The following BAG3 variants were observed in gnomAD, a reference collection of about 807,000 sequenced individuals.
BAG3 encodes the protein BAG cochaperone 3, also known as BAG family molecular chaperone regulator 3.
In BAG3, 14 loss-of-function variants were observed where a neutral mutation model predicts 40.5. That is an observed-to-expected ratio of 0.35 (90% CI 0.23 to 0.54). The LOEUF is 0.54. Ranked by LOEUF, BAG3 falls within the 20% of genes least tolerant of loss-of-function variation. The probability of loss-of-function intolerance (pLI) is 0.91; values close to 1 mark genes in which losing one functional copy is unlikely to be tolerated. For synonymous variants in BAG3, 302 were observed against 307.8 expected (o/e 0.98, Z 0.20); for missense variants, 788 against 758.6 (o/e 1.04, Z -0.46).
Position 119,662,780 on chromosome 10 carries a change from C to T in BAG3, c.181-7071C>T, listed in dbSNP as rs1040919873. ...CTGTAATCTCAGCACTTTGGGAGGCCGAGATGGGCAGATCACGAGGTCAGG... is the reference window on the plus strand; with the variant it reads ...CTGTAATCTCAGCACTTTGGGAGGCTGAGATGGGCAGATCACGAGGTCAGG... On this transcript the variant is annotated intron_variant, in intron 1 of 3. Coordinates refer to ENST00000369085, the MANE Select transcript of BAG3 (RefSeq NM_004281.4). Among the ~76,000 whole-genome samples, 10 of 152,090 alleles carry T rather than the reference C, an allele frequency of 6.6e-5. 1 individual carries two copies. In the South Asian group the frequency reaches 1.0e-3, roughly 16 times the overall value.
chr10:119,677,443 AT>A lies in BAG3; in HGVS notation c.*162del. Reference sequence around the variant, plus strand: ...ACTAATAAAAGGGCTAAAAAGGAAAATGATGCTTTTCTTCTATATTCTTACT... The same window carrying A: ...ACTAATAAAAGGGCTAAAAAGGAAAAGATGCTTTTCTTCTATATTCTTACT... On this transcript the variant is annotated 3_prime_UTR_variant, in exon 4 of 4. Coordinates refer to ENST00000369085, the MANE Select transcript of BAG3 (RefSeq NM_004281.4). The A allele has an allele frequency of 1.2e-6, 1 of 848,676 alleles. No homozygotes were observed. The highest frequency in any genetic ancestry group is 2.1e-5 in the Admixed American group (1 of 47,834). The allele number at this position is 848,676 out of a possible 1,614,324, so 52.6% of individuals were successfully genotyped here. A position where few individuals can be genotyped will look rare whatever the true frequency, so the allele number is the denominator to read the frequency against.
rs760856949 is a variant in BAG3, at chr10:119,669,894, G to T, written c.224G>T (p.Arg75Met). The T allele has an allele frequency of 1.2e-6, 2 of 1,614,190 alleles. No homozygotes were observed. Among genetic ancestry groups the T allele is most frequent in the Non-Finnish European group, 1.7e-6 (2 of 1,180,042 alleles). ...SANGPSREGS[R>M]LPPAREGHPV... Reference sequence around the variant, plus strand: ...AATGGCCCTTCCCGGGAGGGCTCTAGGCTGCCGCCTGCTAGGGAAGGCCAC... The same window carrying T: ...AATGGCCCTTCCCGGGAGGGCTCTATGCTGCCGCCTGCTAGGGAAGGCCAC... The change falls in exon 2 of 4, where the codon AGG (arginine) becomes ATG (methionine). Residue 75 changes from arginine to methionine, a missense_variant. Transcript: ENST00000369085.
chr10:119,663,256 G>A (rs1847016673), intron 1 of BAG3, among the ~76,000 whole-genome samples: 1 of 152,144 alleles, frequency 6.6e-6, no homozygotes, highest in Admixed American at 6.5e-5. Context: ...CACAGGGTTG[G>A]GGGTTAGAGG....
chr10:119,653,782 A>G (rs1846874310), intron 1 of BAG3, among the ~76,000 whole-genome samples: 1 of 152,216 alleles, frequency 6.6e-6, no homozygotes, highest in African/African-American at 2.4e-5. Flanking sequence ...AGCTAGTACC[A>G]ACAACAGGGA....
At position 119,673,118 on chromosome 10, in the gene BAG3, C is replaced by A. The variant is rs546780487; in HGVS notation, c.909+462C>A. Among the ~76,000 whole-genome samples the A allele has an allele frequency of 3.3e-4, 50 of 152,246 alleles. No homozygotes were observed. The South Asian group carries it at 0.01, about 32-fold the overall frequency. The stretch of plus-strand genomic sequence containing the variant: ...TGCCTTTGCCCATGCTGAACCCGCT[C>A]CCTGAAATGCCCGCACAGTATAGGT... On this transcript the variant is annotated intron_variant, in intron 3 of 3. Coordinates refer to ENST00000369085, the MANE Select transcript of BAG3 (RefSeq NM_004281.4).
intron 3 of BAG3, among the ~76,000 whole-genome samples, chr10:119,675,509 A>C (rs1283899180): frequency 6.6e-6 from 1 of 152,168 alleles, no homozygotes; most frequent in African/African-American, 2.4e-5. Flanking sequence ...ATCCTAAAAA[A>C]ATACATTGGT....
intron 1 of BAG3, among the ~76,000 whole-genome samples, chr10:119,662,100 T>G (rs535214616): frequency 6.6e-6 from 1 of 151,938 alleles, no homozygotes; most frequent in East Asian, 1.9e-4. Flanking sequence ...CAGGCTGGAG[T>G]GCAATGGCAT....
At position 119,677,360 on chromosome 10, in the gene BAG3, TAA is replaced by T. The variant is rs1847255907; in HGVS notation, c.*79_*80del. 1.3e-6 allele frequency: 2 copies of T among 1,578,506 alleles called. No homozygotes were observed. The highest frequency in any genetic ancestry group is 2.7e-5 in the African/African-American group (2 of 73,986). On this transcript the variant is annotated 3_prime_UTR_variant, in exon 4 of 4. Coordinates refer to ENST00000369085, the MANE Select transcript of BAG3 (RefSeq NM_004281.4). The stretch of plus-strand genomic sequence containing the variant: ...TAAGTTGCATGCATTTCAGAGACTT[TAA>T]GTCAGTTGGTTTTTATTAGCTGCTT...
In BAG3 at chr10:119,677,183, A is replaced by T; in HGVS notation, c.1629A>T (p.Glu543Asp). 1 of 1,614,190 alleles carries T rather than the reference A, an allele frequency of 6.2e-7. No homozygotes were observed. The highest frequency in any genetic ancestry group is 8.5e-7 in the Non-Finnish European group (1 of 1,180,022). Residue 543 changes from glutamate (E) to aspartate (D), a missense_variant, in exon 4 of 4, where the codon GAA becomes GAT. Transcript: ENST00000369085. Reference sequence around the variant, plus strand: ...GCAAGAAAAATGCTGGAAATGCAGAAGATCCCCACACAGAAACCCAGCAGC... The same window carrying T: ...GCAAGAAAAATGCTGGAAATGCAGATGATCCCCACACAGAAACCCAGCAGC... ...DKGKKNAGNA[E>D]DPHTETQQPE...
At chr10:119,660,035 AGGCTGCAGGGCTGG>A (rs1037069319) in intron 1 of BAG3, among the ~76,000 whole-genome samples, 1 of 152,196 alleles carries the variant, frequency 6.6e-6, no homozygotes, top group Non-Finnish European at 1.5e-5. Context: ...CCCGTGAGGC[AGGCTGCAGGGCTGG>A]GGCTGCAGGG....
rs773740518 is a variant in BAG3, at chr10:119,651,633, A to G, written c.-43A>G. The G allele has an allele frequency of 6.7e-7, 1 of 1,481,602 alleles. No individual in the cohort carries two copies. The highest frequency in any genetic ancestry group is 9.0e-7 in the Non-Finnish European group (1 of 1,112,430). The allele number at this position is 1,481,602 out of a possible 1,614,324, so 91.8% of individuals were successfully genotyped here. On this transcript the variant is annotated 5_prime_UTR_variant, in exon 1 of 4. Transcript: ENST00000369085. ...GGCCAGAGACTCGGCGCCCGGAGCC[A>G]GCGCCCCGCACCCGCGCCCCAGCGG...
chr10:119,673,826 C>G (rs190810402), intron 3 of BAG3, among the ~76,000 whole-genome samples: 2 of 152,216 alleles, frequency 1.3e-5, no homozygotes, highest in African/African-American at 4.8e-5. Flanking sequence ...CATTTCTTCT[C>G]TCGTATATTA....
intron 1 of BAG3, among the ~76,000 whole-genome samples, chr10:119,659,577 C>G (rs1193334495): frequency 6.6e-6 from 1 of 152,240 alleles, no homozygotes; most frequent in East Asian, 1.9e-4. Flanking sequence ...GCAGAGCCCC[C>G]CCGGGACTCA....
chr10:119,651,470 C>CGGGAA lies in BAG3; in HGVS notation c.-206_-205insGGGAA. 1 of 446,392 alleles carries CGGGAA rather than the reference C, an allele frequency of 2.2e-6. No individual in the cohort carries two copies. 27.7% of individuals were successfully genotyped at this position (446,392 alleles called of 1,614,324 possible). ...CTACCTCCCTTTATCTCCTCCTTCCCCTCTGGCAGCGAGGAGGCTATTTCC... is the reference window on the plus strand; with the variant it reads ...CTACCTCCCTTTATCTCCTCCTTCCCGGGAACTCTGGCAGCGAGGAGGCTATTTCC... On this transcript the variant is annotated 5_prime_UTR_variant, in exon 1 of 4. Transcript: ENST00000369085.
intron 3 of BAG3, among the ~76,000 whole-genome samples, chr10:119,673,062 T>C (rs1847175137): frequency 6.6e-6 from 1 of 152,090 alleles, no homozygotes; most frequent in Admixed American, 6.6e-5. Context: ...CACTCCACTC[T>C]GCAGGCCCAT....
chr10:119,651,600 G>T lies in BAG3; in HGVS notation c.-76G>T, dbSNP rs949153385. 5.3e-6 allele frequency: 7 copies of T among 1,325,808 alleles called. No homozygotes were observed. The highest frequency in any genetic ancestry group is 6.8e-6 in the Non-Finnish European group (7 of 1,029,066). 82.1% of individuals were successfully genotyped at this position (1,325,808 alleles called of 1,614,324 possible). Reference sequence around the variant, plus strand: ...TCGGCGGCGGAGAGGGGCCCACGGCGGCGGCCCGGCCAGAGACTCGGCGCC... The same window carrying T: ...TCGGCGGCGGAGAGGGGCCCACGGCTGCGGCCCGGCCAGAGACTCGGCGCC... On this transcript the variant is annotated 5_prime_UTR_variant, in exon 1 of 4. Transcript: ENST00000369085.
chr10:119,674,210 T>C (rs1474644000), intron 3 of BAG3, among the ~76,000 whole-genome samples: 1 of 152,218 alleles, frequency 6.6e-6, no homozygotes, highest in African/African-American at 2.4e-5. Flanking sequence ...CAGCCATTGC[T>C]GTTAGAACCT....
intron 1 of BAG3, among the ~76,000 whole-genome samples, chr10:119,656,156 T>C (rs1258094535): frequency 6.6e-6 from 1 of 152,208 alleles, no homozygotes; most frequent in Non-Finnish European, 1.5e-5. Flanking sequence ...TTTGCTGTTT[T>C]AATATTGCTC....
intron 2 of BAG3, among the ~76,000 whole-genome samples, chr10:119,670,895 T>C (rs1197332929): frequency 6.6e-6 from 1 of 152,224 alleles, no homozygotes; most frequent in African/African-American, 2.4e-5. Flanking sequence ...CTGCACATCA[T>C]CCTGTGGTGT....
Sources: allele counts gnomAD v4.1 joint callset (sites outside exome capture counted in the v4.1 genomes callset), GRCh38; gene constraint gnomAD v4.1.1; transcripts MANE v1.5; gene names NCBI Gene and HGNC (gene_info 2026-07-23, HGNC 2026-07-21).